COL6A6: variants seen among roughly 807,000 people sequenced by gnomAD.
COL6A6 encodes collagen type VI alpha 6 chain.
A neutral mutation model predicts 208.6 loss-of-function variants in COL6A6; 183 were observed. The ratio of observed to expected loss-of-function variants is 0.88; its 90% confidence interval spans 0.78 to 0.99. The LOEUF (loss-of-function observed/expected upper bound fraction) is 0.99. Among genes scored for constraint, COL6A6 ranks in the 50% least tolerant of loss-of-function variants. COL6A6 has a pLI of 0.00. For synonymous variants in COL6A6, 973 were observed against 1,011.8 expected, an observed-to-expected ratio of 0.96 and a Z score of 0.73; for missense variants, 2,816 against 2,815.2, an observed-to-expected ratio of 1.00 and a Z score of -0.01.
intron 1 of COL6A6, among the ~76,000 whole-genome samples, chr3:130,552,918 T>G (rs1202813839): frequency 1.3e-5 from 2 of 152,242 alleles, no homozygotes; most frequent in African/African-American, 4.8e-5. Context: ...TTCATTTAAC[T>G]GAATATGAAA....
chr3:130,560,402 C>A lies in COL6A6; in HGVS notation c.38C>A (p.Ser13Tyr), dbSNP rs763406226. 1.2e-6 allele frequency: 2 copies of A among 1,610,528 alleles called. No individual in the cohort carries two copies. Among genetic ancestry groups the A allele is most frequent in the South Asian group, 2.2e-5 (2 of 90,138 alleles). Residue 13 changes from serine (S) to tyrosine (Y), a missense_variant, in exon 2 of 37, where the codon TCC becomes TAC. Transcript: ENST00000358511. ...LLILFLVIIC[S>Y]HISVNQDSGP... is the part of the protein sequence containing the mutation. ...ATTTTGTTCCTCGTGATAATTTGTT[C>A]CCATATTTCTGTGAACCAAGATTCC...
Position 130,649,306 on chromosome 3 carries a change from G to T in COL6A6, c.5477G>T (p.Arg1826Ile). The T allele has an allele frequency of 3.7e-6, 6 of 1,606,832 alleles. No homozygotes were observed. Among genetic ancestry groups the T allele is most frequent in the Non-Finnish European group, 5.1e-6 (6 of 1,176,764 alleles). ...GCCTACAAGAAGAGTCAACTTCTCA[G>T]AGAAATTGAAACTATTCCTTATGAG... The part of the protein sequence containing the change: ...SDAYKKSQLL[R>I]EIETIPYERS... The change falls in exon 33 of 37, where the codon AGA becomes ATA. Residue 1826 changes from arginine to isoleucine, a missense_variant. Coordinates refer to ENST00000358511, the MANE Select transcript of COL6A6 (RefSeq NM_001102608.3).
At chr3:130,521,162 A>T (rs942099628) in intron 1 of COL6A6, among the ~76,000 whole-genome samples, 1 of 152,202 alleles carries the variant, frequency 6.6e-6, no homozygotes, top group African/African-American at 2.4e-5. Context: ...TGTATCCTAC[A>T]CTTTAGAGGG....
chr3:130,560,092 A>G (rs142031405), intron 1 of COL6A6, among the ~76,000 whole-genome samples: 25 of 152,316 alleles, frequency 1.6e-4, no homozygotes, highest in African/African-American at 5.5e-4. Context: ...GGCTCCTTCT[A>G]CCAACTGTCC....
intron 1 of COL6A6, among the ~76,000 whole-genome samples, chr3:130,539,234 A>C (rs749048555): frequency 1.3e-5 from 2 of 152,260 alleles, no homozygotes; most frequent in African/African-American, 4.8e-5. Context: ...GCCATGGCTC[A>C]GTGACAACTT....
chr3:130,620,157 C>G (rs988555763), intron 23 of COL6A6, among the ~76,000 whole-genome samples: 2 of 151,950 alleles, frequency 1.3e-5, no homozygotes, highest in African/African-American at 4.8e-5. Flanking sequence ...GTTACTCAGC[C>G]TTTTAATATA....
Position 130,644,994 on chromosome 3 carries a change from G to A in COL6A6, c.5231G>A (p.Gly1744Asp), listed in dbSNP as rs1402070237. ...CTCCTTTGTTCTTCTTCCCCAGCTGGCAGGCATGGTGAGTAATCTTTATTT... is the reference window on the plus strand; with the variant it reads ...CTCCTTTGTTCTTCTTCCCCAGCTGACAGGCATGGTGAGTAATCTTTATTT... ...LIQYVRDRSP[G>D]RHGKPECPVH... is the part of the protein sequence containing the mutation. Residue 1744 changes from glycine (G) to aspartate (D), a missense_variant, in exon 32 of 37, where the codon GGC (glycine) becomes GAC (aspartate). By Grantham distance (94) the Gly-to-Asp change is moderately conservative. Coordinates refer to ENST00000358511, the MANE Select transcript of COL6A6 (RefSeq NM_001102608.3). 1 of 1,612,114 alleles carries A rather than the reference G, an allele frequency of 6.2e-7. No homozygotes were observed. Among genetic ancestry groups the A allele is most frequent in the African/African-American group, 1.3e-5 (1 of 74,954 alleles).
chr3:130,663,926 C>T (rs1482456332), intron 35 of COL6A6, among the ~76,000 whole-genome samples: 1 of 152,140 alleles, frequency 6.6e-6, no homozygotes, highest in African/African-American at 2.4e-5. Context: ...TAATCATGTT[C>T]AAGTCTACAT....
Position 130,675,304 on chromosome 3 carries a change from C to A in COL6A6, c.6699C>A (p.Gly2233=). The part of the protein sequence containing the change: ...KKYLSRVARS[G]RDDAIQNFMR... ...ATCTTTCAAGAGTAGCAAGAAGTGG[C>A]AGAGATGATGCTATTCAAAATTTTA... The change falls in exon 37 of 37, where the codon GGC becomes GGA. Residue 2233 remains glycine, a synonymous_variant. Coordinates refer to ENST00000358511, the MANE Select transcript of COL6A6 (RefSeq NM_001102608.3). 6.3e-7 allele frequency: 1 copy of A among 1,594,896 alleles called. No individual in the cohort carries two copies. Among genetic ancestry groups the A allele is most frequent in the South Asian group, 1.1e-5 (1 of 87,714 alleles).
rs1358088408 is a variant in COL6A6, at chr3:130,565,083, T to C, written c.751T>C (p.Phe251Leu). The C allele has an allele frequency of 6.2e-7, 1 of 1,613,894 alleles. No homozygotes were observed. Among genetic ancestry groups the C allele is most frequent in the Non-Finnish European group, 8.5e-7 (1 of 1,179,878 alleles). Residue 251 changes from phenylalanine (F) to leucine (L), a missense_variant, in exon 4 of 37, where the codon TTC becomes CTC. Coordinates refer to ENST00000358511, the MANE Select transcript of COL6A6 (RefSeq NM_001102608.3). ...GGAGAACTTTGACTATCTTAAAGGA[T>C]TCTTGGAAGAAAGTGTATCTGCCCT... Reference protein sequence around the residue: ...SEENFDYLKGFLEESVSALDI... With the variant: ...SEENFDYLKGLLEESVSALDI...
intron 2 of COL6A6, among the ~76,000 whole-genome samples, chr3:130,560,664 G>A (rs2062862745): frequency 6.6e-6 from 1 of 152,074 alleles, no homozygotes; most frequent in African/African-American, 2.4e-5. Flanking sequence ...ATTTTGTCCT[G>A]CTTCAACCCC....
At chr3:130,524,547 G>A (rs538639191) in intron 1 of COL6A6, among the ~76,000 whole-genome samples, 19 of 151,920 alleles carry the variant, frequency 1.3e-4, no homozygotes, top group African/African-American at 4.6e-4. Flanking sequence ...CATTTTCTTG[G>A]ATCAGCTTGA....
At chr3:130,573,515 G>A (rs1331288794) in intron 7 of COL6A6, among the ~76,000 whole-genome samples, 1 of 150,932 alleles carries the variant, frequency 6.6e-6, no homozygotes, top group African/African-American at 2.4e-5. Context: ...CCACATGCTA[G>A]CATAAGATAA....
chr3:130,640,943 A>G (rs1312449573), intron 28 of COL6A6, among the ~76,000 whole-genome samples: 2 of 152,228 alleles, frequency 1.3e-5, no homozygotes, highest in African/African-American at 4.8e-5. Flanking sequence ...TTCTAGTCCT[A>G]GCAATCTTCC....
At chr3:130,589,468 A>G (rs1032612485) in intron 12 of COL6A6, among the ~76,000 whole-genome samples, 3 of 152,228 alleles carry the variant, frequency 2.0e-5, no homozygotes, top group Non-Finnish European at 4.4e-5. Context: ...AAAATCAGCT[A>G]TAATTCCTCA....
intron 1 of COL6A6, among the ~76,000 whole-genome samples, chr3:130,555,830 A>C (rs1030969284): frequency 6.6e-6 from 1 of 152,024 alleles, no homozygotes; most frequent in Admixed American, 6.5e-5. Flanking sequence ...TGTATTTCTT[A>C]ATTTTAAAAC....
intron 20 of COL6A6, among the ~76,000 whole-genome samples, chr3:130,604,587 A>C (rs1041651667): frequency 3.3e-5 from 5 of 152,044 alleles, no homozygotes; most frequent in African/African-American, 1.2e-4. Flanking sequence ...TGAATGGTGG[A>C]TTAAAGTCTT....
intron 28 of COL6A6, among the ~76,000 whole-genome samples, chr3:130,639,302 C>G (rs1439097058): frequency 1.3e-5 from 2 of 152,132 alleles, no homozygotes; most frequent in Non-Finnish European, 2.9e-5. Flanking sequence ...CCAACATAGT[C>G]TGTTTCCTGC....
At chr3:130,642,334 A>G (rs192742162) in intron 29 of COL6A6, among the ~76,000 whole-genome samples, 89 of 150,846 alleles carry the variant, frequency 5.9e-4, no homozygotes, top group African/African-American at 2.1e-3. Context: ...CAGATGTTCA[A>G]TTGAGTCCGA....
Sources: gnomAD v4.1 joint callset for allele counts (sites outside exome capture counted in the v4.1 genomes callset) on GRCh38, gnomAD v4.1.1 for gene constraint, MANE v1.5 for transcripts, NCBI Gene and HGNC (gene_info 2026-07-23, HGNC 2026-07-21) for gene names.